Variants in FRMPD4 observed in about 807,000 individuals in gnomAD.
FRMPD4 encodes the protein FERM and PDZ domain containing 4, also known as FERM and PDZ domain-containing protein 4.
Under a neutral mutation model 94.1 loss-of-function variants are expected in FRMPD4, and 22 were observed. The ratio of observed to expected loss-of-function variants is 0.23; its 90% CI spans 0.17 to 0.33. The LOEUF is 0.33. FRMPD4 is among the 10% of genes least tolerant of loss of function. The pLI is 1.00. For synonymous variants in FRMPD4, 631 were observed against 548.6 expected (o/e 1.15, Z -2.10); for missense variants, 1,111 against 1,339.9 (o/e 0.83, Z 2.67).
chrX:12,052,982 G>A (rs857533), intron 3 of FRMPD4, among the ~76,000 whole-genome samples: 47,210 of 109,662 alleles, frequency 0.43, 7,345 homozygotes, highest in East Asian at 0.71. Context: ...CTTGGATCAC[G>A]CTCTCTCTAG....
chrX:12,399,901 G>A (rs1006878205), intron 1 of FRMPD4, among the ~76,000 whole-genome samples: 15 of 111,722 alleles, frequency 1.3e-4, no homozygotes, highest in Non-Finnish European at 2.8e-4. Context: ...GGTGATGTTA[G>A]GCATCAAATG....
At chrX:12,345,434 T>C in intron 1 of FRMPD4, among the ~76,000 whole-genome samples, 1 of 111,756 alleles carries the variant, frequency 8.9e-6, no homozygotes, top group Non-Finnish European at 1.9e-5. Context: ...CTAACCCTTT[T>C]TCTAGCAAAT....
intron 2 of FRMPD4, among the ~76,000 whole-genome samples, chrX:12,563,352 G>A (rs1465459896): frequency 9.0e-6 from 1 of 111,708 alleles, no homozygotes; most frequent in African/African-American, 3.3e-5. Flanking sequence ...GCAACTCAGT[G>A]AGATGTACAG....
chrX:12,640,296 CAAAAAAAA>C (rs1157854116), intron 4 of FRMPD4, among the ~76,000 whole-genome samples: 3 of 23,804 alleles, frequency 1.3e-4, no homozygotes, highest in African/African-American at 5.7e-4. Context: ...GAGGCTGTCT[CAAAAAAAA>C]AAAAAAAAAA....
intron 1 of FRMPD4, among the ~76,000 whole-genome samples, chrX:12,228,192 C>T (rs1259198130): frequency 8.9e-6 from 1 of 112,189 alleles, no homozygotes; most frequent in African/African-American, 3.2e-5. Flanking sequence ...TGGGGATTTA[C>T]ACTTCACAAT....
chrX:12,037,828 C>T (rs757741764), intron 3 of FRMPD4, among the ~76,000 whole-genome samples: 18 of 111,301 alleles, frequency 1.6e-4, no homozygotes, highest in African/African-American at 4.9e-4. Flanking sequence ...TGAGAACATG[C>T]GGTATTTGGT....
At chrX:12,013,599 C>T (rs1429960173) in intron 3 of FRMPD4, among the ~76,000 whole-genome samples, 1 of 113,184 alleles carries the variant, frequency 8.8e-6, no homozygotes, top group Non-Finnish European at 1.9e-5. Flanking sequence ...TCTTTATTGT[C>T]CATTTCCCCT....
chrX:12,563,756 G>C (rs1602137221), intron 2 of FRMPD4, among the ~76,000 whole-genome samples: 1 of 112,112 alleles, frequency 8.9e-6, no homozygotes, highest in Non-Finnish European at 1.9e-5. Context: ...GACTGGTCTG[G>C]AATGCTTCCA....
At chrX:11,916,444 G>A (rs1238485145) in intron 3 of FRMPD4, among the ~76,000 whole-genome samples, 1 of 111,382 alleles carries the variant, frequency 9.0e-6, no homozygotes, top group African/African-American at 3.3e-5. Context: ...AAGGGAAAAA[G>A]GGGGATAATG....
intron 3 of FRMPD4, among the ~76,000 whole-genome samples, chrX:12,046,316 C>A (rs1349183086): frequency 9.0e-6 from 1 of 111,259 alleles, no homozygotes; most frequent in African/African-American, 3.3e-5. Flanking sequence ...ACGTTTTTTT[C>A]TCTGCTCTGA....
intron 1 of FRMPD4, among the ~76,000 whole-genome samples, chrX:12,481,700 G>C (rs1472234985): frequency 9.2e-6 from 1 of 108,949 alleles, no homozygotes; most frequent in Non-Finnish European, 1.9e-5. Context: ...CCAGCACTTT[G>C]GGAGGCTGAG....
intron 3 of FRMPD4, among the ~76,000 whole-genome samples, chrX:11,921,886 G>A (rs2054058619): frequency 8.9e-6 from 1 of 112,036 alleles, no homozygotes. Flanking sequence ...TATGATGCAG[G>A]TTAGGTATCT....
At chrX:12,397,859 G>A (rs2056562832) in intron 1 of FRMPD4, among the ~76,000 whole-genome samples, 1 of 111,558 alleles carries the variant, frequency 9.0e-6, no homozygotes, top group East Asian at 2.8e-4. Flanking sequence ...TAAACCACAC[G>A]AGGGCAAGGG....
At position 12,537,454 on chromosome X, in the gene FRMPD4, C is replaced by CTT. The variant is rs1569321899; in HGVS notation, c.158+38658_158+38659insTT. On this transcript the variant is annotated intron_variant, in intron 2 of 16. Coordinates refer to ENST00000675598, the MANE Select transcript of FRMPD4 (RefSeq NM_001368397.1). ...TTCCAACAATATATATTTTTTTTTT[C>CTT]CTTTTTTTTTTTTTTTGAGACAGAG... Among the ~76,000 whole-genome samples, 9 of 88,027 alleles carry CTT rather than the reference C, an allele frequency of 1.0e-4. No individual in the cohort carries two copies. The South Asian group carries it at 2.0e-3, about 20-fold the overall frequency. 76.4% of individuals were successfully genotyped at this position (88,027 alleles called of 115,157 possible).
intron 3 of FRMPD4, among the ~76,000 whole-genome samples, chrX:12,011,640 GT>G (rs1489765183): frequency 8.9e-6 from 1 of 111,806 alleles, no homozygotes; most frequent in Non-Finnish European, 1.9e-5. Flanking sequence ...TTTGGTAACT[GT>G]TAGTTCATTA....
At chrX:11,991,254 T>A (rs1474625873) in intron 3 of FRMPD4, among the ~76,000 whole-genome samples, 5 of 111,691 alleles carry the variant, frequency 4.5e-5, no homozygotes, top group East Asian at 2.8e-4. Flanking sequence ...GAGGTGGGAC[T>A]CACTGGGGGT....
chrX:12,182,855 T>A (rs2056378171), intron 1 of FRMPD4, among the ~76,000 whole-genome samples: 1 of 111,476 alleles, frequency 9.0e-6, no homozygotes, highest in African/African-American at 3.3e-5. Flanking sequence ...ATGAATTAAC[T>A]AACAATTTTA....
At chrX:12,185,903 G>C (rs781404001) in intron 1 of FRMPD4, among the ~76,000 whole-genome samples, 1 of 111,647 alleles carries the variant, frequency 9.0e-6, no homozygotes, top group East Asian at 2.8e-4. Flanking sequence ...GTCAAGTCCA[G>C]TCTGATTAAA....
chrX:12,541,300 G>A (rs1465431642), intron 2 of FRMPD4, among the ~76,000 whole-genome samples: 25 of 110,903 alleles, frequency 2.3e-4, no homozygotes, highest in South Asian at 3.8e-4. Context: ...TGAATCCAGG[G>A]GCTGGTTTTT....
Sources: allele counts gnomAD v4.1 joint callset (sites outside exome capture counted in the v4.1 genomes callset), GRCh38; gene constraint gnomAD v4.1.1; transcripts MANE v1.5; gene names NCBI Gene and HGNC (gene_info 2026-07-23, HGNC 2026-07-21).